Variants in SLIT3 observed in about 807,000 individuals in gnomAD.
SLIT3 encodes slit guidance ligand 3, also known as slit homolog 3 protein.
In SLIT3, 68 loss-of-function variants were observed where a neutral mutation model predicts 184.0. The ratio of observed to expected loss-of-function variants is 0.37; its 90% confidence interval spans 0.30 to 0.45. The LOEUF (loss-of-function observed/expected upper bound fraction) is 0.45, where lower values mean the gene tolerates loss of function less well. SLIT3 is among the 20% of genes least tolerant of loss of function. SLIT3 has a pLI of 1.00. For synonymous variants in SLIT3, 831 were observed against 828.6 expected (o/e 1.00, Z -0.05); for missense variants, 1,707 against 2,026.0 (o/e 0.84, Z 3.02).
At chr5:169,179,780 A>G (rs1763097831) in intron 4 of SLIT3, among the ~76,000 whole-genome samples, 1 of 152,158 alleles carries the variant, frequency 6.6e-6, no homozygotes, top group Non-Finnish European at 1.5e-5. Flanking sequence ...TTGGAACAAA[A>G]GGCACCTTTG....
chr5:168,876,598 T>C (rs1002889922), intron 5 of SLIT3, among the ~76,000 whole-genome samples: 7 of 152,206 alleles, frequency 4.6e-5, no homozygotes, highest in African/African-American at 1.4e-4. Context: ...ACATTTCCCC[T>C]AGATGAACTC....
chr5:169,010,275 C>T (rs766730433), intron 4 of SLIT3, among the ~76,000 whole-genome samples: 1 of 152,050 alleles, frequency 6.6e-6, no homozygotes, highest in Non-Finnish European at 1.5e-5. Flanking sequence ...AGATGAACAG[C>T]GATAAGGGGA....
intron 4 of SLIT3, among the ~76,000 whole-genome samples, chr5:168,909,368 C>T (rs114705212): frequency 0.022 from 3,348 of 152,294 alleles, 52 homozygotes; most frequent in Middle Eastern, 0.065. Flanking sequence ...GTTTCCTTTG[C>T]AAACTCCAGA....
At chr5:169,113,643 CT>C (rs1051034339) in intron 4 of SLIT3, among the ~76,000 whole-genome samples, 5 of 149,458 alleles carry the variant, frequency 3.3e-5, no homozygotes, top group Non-Finnish European at 5.9e-5. Flanking sequence ...ATCATCATGC[CT>C]TTTTTTTCTT....
chr5:168,724,271 T>C (rs1225993879), intron 21 of SLIT3, 145 bp downstream of exon 21: 1 of 468,892 alleles, frequency 2.1e-6, no homozygotes, highest in Non-Finnish European at 3.8e-6. Flanking sequence ...CTTTGCAGAC[T>C]GGCTTCTGGT....
In SLIT3 at chr5:169,016,270, G is replaced by A. The variant is rs1468270134; in HGVS notation, c.414-132934C>T. ...CCTGGTTAAGTCCCGGGGCTACAGA[G>A]CAATAAATACAGCCCCTGCACCAAG... On this transcript the variant is annotated intron_variant, in intron 4 of 35. Transcript: ENST00000519560. Among the ~76,000 whole-genome samples the A allele has an allele frequency of 2.6e-5, 4 of 152,228 alleles. No individual in the cohort carries two copies. In the East Asian group the frequency reaches 7.7e-4, roughly 29 times the overall value.
At position 168,671,326 on chromosome 5, in the gene SLIT3, C is replaced by T. The variant is rs148891683; in HGVS notation, c.3999G>A (p.Lys1333=). The T allele has an allele frequency of 2.3e-3, 3,756 of 1,614,048 alleles. 16 individuals are homozygous for T. The highest frequency in any genetic ancestry group is 2.9e-3 in the Non-Finnish European group (3,447 of 1,180,010). ...PQSLGVSPGC[K]SCTVCKHGLC... is the part of the protein sequence containing the mutation. Reference sequence around the variant, plus strand: ...GGCCGTGCTTGCACACGGTGCAGGACTTGCAGCCTGGTGACACCCCCAGGG... The same window carrying T: ...GGCCGTGCTTGCACACGGTGCAGGATTTGCAGCCTGGTGACACCCCCAGGG... Residue 1333 remains lysine (K), a synonymous_variant, in exon 34 of 36, where the codon AAG becomes AAA. Transcript: ENST00000519560.
chr5:169,296,265 C>A (rs1429225030), intron 1 of SLIT3, among the ~76,000 whole-genome samples: 3 of 152,164 alleles, frequency 2.0e-5, no homozygotes, highest in African/African-American at 7.2e-5. Context: ...CTACTGTGTG[C>A]CAGGCACTGT....
chr5:168,666,578 C>CCA lies in SLIT3; in HGVS notation c.4446_4447dup (p.Gly1483ValfsTer27), dbSNP rs1201963753. The CCA allele has an allele frequency of 6.2e-7, 1 of 1,614,158 alleles. No homozygotes were observed. Among genetic ancestry groups the CCA allele is most frequent in the Non-Finnish European group, 8.5e-7 (1 of 1,180,026 alleles). The stretch of plus-strand genomic sequence containing the variant: ...GCGGGTGGGCTGGCAGCACTGGGGC[C>CCA]CACAGCCCCCACGACATTCCATGAT... On this transcript the variant is annotated frameshift_variant, in exon 36 of 36. Transcript: ENST00000519560. LOFTEE classifies it high-confidence loss of function.
chr5:168,800,787 T>C (rs914212000), intron 9 of SLIT3, among the ~76,000 whole-genome samples: 1 of 152,246 alleles, frequency 6.6e-6, no homozygotes, highest in Admixed American at 6.5e-5. Context: ...GCTTTGCTTA[T>C]TCTGTGCATG....
intron 21 of SLIT3, 49 bp downstream of exon 21, chr5:168,724,367 G>C: frequency 6.6e-7 from 1 of 1,505,120 alleles, no homozygotes; most frequent in Non-Finnish European, 9.2e-7. Flanking sequence ...TTTCCTGAGC[G>C]ACCCCAGCAG....
rs762038014 is a variant in SLIT3, at chr5:168,832,961, G to A, written c.558-9630C>T. 2.0e-5 allele frequency among the ~76,000 whole-genome samples: 3 copies of A among 152,178 alleles called. No individual in the cohort carries two copies. In the East Asian group the frequency reaches 5.8e-4, roughly 29 times the overall value. On this transcript the variant is annotated intron_variant, in intron 6 of 35. Coordinates refer to ENST00000519560, the MANE Select transcript of SLIT3 (RefSeq NM_003062.4). The stretch of plus-strand genomic sequence containing the variant: ...GTAAGAAAATCAAAGTGCTTCAATG[G>A]CATTATGGTGAAATGTAGTTGAAAC...
intron 12 of SLIT3, among the ~76,000 whole-genome samples, chr5:168,783,479 G>T (rs17635052): frequency 1.2e-3 from 179 of 152,228 alleles, no homozygotes; most frequent in African/African-American, 3.9e-3. Flanking sequence ...CTTTATTACC[G>T]CCAGCATCAC....
intron 32 of SLIT3, among the ~76,000 whole-genome samples, chr5:168,679,673 T>A (rs941217136): frequency 2.0e-5 from 3 of 152,076 alleles, no homozygotes; most frequent in African/African-American, 7.2e-5. Context: ...AAAAAGTTCC[T>A]GGGATTTCGG....
intron 4 of SLIT3, among the ~76,000 whole-genome samples, chr5:168,998,846 T>C (rs1165328818): frequency 6.6e-6 from 1 of 151,478 alleles, no homozygotes; most frequent in Admixed American, 6.6e-5. Context: ...TCTTGGGCCC[T>C]ACCCCAGTCC....
At chr5:168,898,938 G>T (rs1275231174) in intron 4 of SLIT3, among the ~76,000 whole-genome samples, 1 of 152,004 alleles carries the variant, frequency 6.6e-6, no homozygotes, top group Non-Finnish European at 1.5e-5. Context: ...AAGAAAACAG[G>T]GTATAAGGTT....
Position 168,747,087 on chromosome 5 carries a change from G to C in SLIT3, c.2270+1215C>G, listed in dbSNP as rs184086491. The stretch of plus-strand genomic sequence containing the variant: ...CTGTTGCCTCTCCCTGGCTCTGCCC[G>C]CTCCCATACAGGGCCTTTGCTTATG... On this transcript the variant is annotated intron_variant, in intron 20 of 35. Coordinates refer to ENST00000519560, the MANE Select transcript of SLIT3 (RefSeq NM_003062.4). 8.6e-4 allele frequency among the ~76,000 whole-genome samples: 130 copies of C among 151,972 alleles called. 1 individual carries two copies. Among genetic ancestry groups the C allele is most frequent in the Non-Finnish European group, 5.3e-4 (36 of 67,928 alleles).
At position 168,993,652 on chromosome 5, in the gene SLIT3, A is replaced by C. The variant is rs1451467585; in HGVS notation, c.414-110316T>G. 2.7e-5 allele frequency among the ~76,000 whole-genome samples: 4 copies of C among 149,292 alleles called. No homozygotes were observed. The East Asian group carries it at 7.8e-4, about 29-fold the overall frequency. The stretch of plus-strand genomic sequence containing the variant: ...TTATGGAAAGAGTTTCTGTTTTCTC[A>C]TATACTTTCTAAGTACACAGGAAAA... On this transcript the variant is annotated intron_variant, in intron 4 of 35. Coordinates refer to ENST00000519560, the MANE Select transcript of SLIT3 (RefSeq NM_003062.4).
intron 4 of SLIT3, among the ~76,000 whole-genome samples, chr5:169,069,546 A>C (rs1441869794): frequency 6.6e-6 from 1 of 152,168 alleles, no homozygotes; most frequent in Non-Finnish European, 1.5e-5. Context: ...GACCTATAGG[A>C]GTGGTCCCCT....
Sources: allele counts gnomAD v4.1 joint callset (sites outside exome capture counted in the v4.1 genomes callset), GRCh38; gene constraint gnomAD v4.1.1; transcripts MANE v1.5; gene names NCBI Gene and HGNC (gene_info 2026-07-23, HGNC 2026-07-21).